EPG5: variants seen among roughly 807,000 people sequenced by gnomAD.
EPG5 encodes the protein ectopic P granules protein 5 homolog.
Under a neutral mutation model 302.7 loss-of-function variants are expected in EPG5, and 159 were observed. The ratio of observed to expected loss-of-function variants is 0.53; its 90% CI spans 0.46 to 0.60. EPG5 has a LOEUF of 0.60. Among genes scored for constraint, EPG5 ranks in the 20% least tolerant of loss-of-function variants. The probability of loss-of-function intolerance (pLI) is 0.00; values close to 1 mark genes in which losing one functional copy is unlikely to be tolerated. For synonymous variants in EPG5, 1,158 were observed against 1,136.8 expected, an observed-to-expected ratio of 1.02 and a Z score of -0.37; for missense variants, 2,896 against 3,092.4, an observed-to-expected ratio of 0.94 and a Z score of 1.51.
rs961209449 is a variant in EPG5, at chr18:45,882,392, G to T, written c.5400C>A (p.Gly1800=). 5.6e-6 allele frequency: 9 copies of T among 1,614,050 alleles called. No homozygotes were observed. The highest frequency in any genetic ancestry group is 5.9e-6 in the Non-Finnish European group (7 of 1,180,024). Residue 1800 remains glycine (G), a synonymous_variant, in exon 31 of 44, where the codon GGC becomes GGA. Transcript: ENST00000282041. The stretch of plus-strand genomic sequence containing the variant: ...TCAAAATATCCTCATCTGGTTCAAG[G>T]CCCCAGGCAGTAAGTGCCAAGTGAA... The part of the protein sequence containing the change: ...ESIHLALTAW[G]LEPDEDILMP...
chr18:45,923,746 T>G (rs1008043624), intron 14 of EPG5, among the ~76,000 whole-genome samples: 1 of 152,180 alleles, frequency 6.6e-6, no homozygotes, highest in African/African-American at 2.4e-5. Context: ...TTTAATGAAC[T>G]GTCTAGGCGT....
chr18:45,943,364 G>A, intron 8 of EPG5, 53 bp from the exon 9 acceptor site: 1 of 1,465,764 alleles, frequency 6.8e-7, no homozygotes, highest in African/African-American at 1.4e-5. Flanking sequence ...GAAAAAACAT[G>A]AACGGATACA....
rs375139947 is a variant in EPG5, at chr18:45,927,164, C to T, written c.2554-1262G>A. Among the ~76,000 whole-genome samples the T allele has an allele frequency of 8.6e-5, 13 of 151,894 alleles. No individual in the cohort carries two copies. The East Asian group carries it at 2.1e-3, about 25-fold the overall frequency. On this transcript the variant is annotated intron_variant, in intron 13 of 43. Transcript: ENST00000282041. The stretch of plus-strand genomic sequence containing the variant: ...TCTCCTGCCTCAGCCTCCTGAGTAG[C>T]TGGGACTACAGGTGCCCGCCACCAC...
At position 45,872,437 on chromosome 18, in the gene EPG5, C is replaced by T. The variant is rs114633499; in HGVS notation, c.6050-1695G>A. ...TGGCCAACGAGGCTGTGTGCAGTGGCTCACGCTTGCAATCCCGGCACTTTG... is the reference window on the plus strand; with the variant it reads ...TGGCCAACGAGGCTGTGTGCAGTGGTTCACGCTTGCAATCCCGGCACTTTG... On this transcript the variant is annotated intron_variant, in intron 35 of 43. Coordinates refer to ENST00000282041, the MANE Select transcript of EPG5 (RefSeq NM_020964.3). 5.8e-3 allele frequency among the ~76,000 whole-genome samples: 891 copies of T among 152,334 alleles called. 7 individuals carry two copies. The highest frequency in any genetic ancestry group is 0.02 in the African/African-American group (846 of 41,574).
chr18:45,940,126 T>C (rs1039658608), intron 9 of EPG5, among the ~76,000 whole-genome samples: 1 of 152,172 alleles, frequency 6.6e-6, no homozygotes, highest in Non-Finnish European at 1.5e-5. Flanking sequence ...CATTTGATAA[T>C]GTCTGGAAAA....
At chr18:45,823,276 C>T in the EPG5 span, among the ~76,000 whole-genome samples, 1 of 152,088 alleles carries the variant, frequency 6.6e-6, no homozygotes, top group Non-Finnish European at 1.5e-5. Context: ...TTTAAGGAAA[C>T]TCTGGAGACA....
intron 22 of EPG5, among the ~76,000 whole-genome samples, chr18:45,911,096 CACACACACACACACAT>C (rs1214729461): frequency 6.9e-6 from 1 of 145,272 alleles, no homozygotes; most frequent in Non-Finnish European, 1.5e-5. Context: ...CACACACACA[CACACACACACACACAT>C]ATATATATAT....
At chr18:45,854,800 G>A (rs1342565999) in intron 43 of EPG5, among the ~76,000 whole-genome samples, 1 of 152,208 alleles carries the variant, frequency 6.6e-6, no homozygotes, top group African/African-American at 2.4e-5. Context: ...GTTCAAGGCT[G>A]CAGTGAGATA....
the EPG5 span, chr18:45,825,628 C>G: frequency 3.0e-6 from 4 of 1,317,708 alleles, no homozygotes; most frequent in Non-Finnish European, 4.3e-6. Context: ...AGTGCCCTGC[C>G]CACCCCCGCC....
chr18:45,877,678 T>G (rs985794868), intron 34 of EPG5, among the ~76,000 whole-genome samples: 3 of 152,256 alleles, frequency 2.0e-5, no homozygotes, highest in Non-Finnish European at 4.4e-5. Flanking sequence ...GAAACAGAAG[T>G]CTAAGACCTG....
chr18:45,876,215 G>T, intron 35 of EPG5, 21 bp downstream of exon 35: 1 of 1,542,812 alleles, frequency 6.5e-7, no homozygotes, highest in Non-Finnish European at 9.0e-7. Context: ...ACTAAGCAGA[G>T]ACAGCCTGAC....
Position 45,851,339 on chromosome 18 carries a change from G to A in EPG5, c.*1128C>T, listed in dbSNP as rs1378736613. On this transcript the variant is annotated 3_prime_UTR_variant, in exon 44 of 44. Coordinates refer to ENST00000282041, the MANE Select transcript of EPG5 (RefSeq NM_020964.3). ...CTCATTCCCAGGAGAAATAACATGA[G>A]CAAGAAGATGGCCACAGAACAAGGC... The A allele has an allele frequency of 1.3e-5, 2 of 152,166 alleles. No individual in the cohort carries two copies. Among genetic ancestry groups the A allele is most frequent in the African/African-American group, 2.4e-5 (1 of 41,442 alleles). The allele number at this position is 152,166 out of a possible 1,614,324, so 9.4% of individuals were successfully genotyped here.
Position 45,948,507 on chromosome 18 carries a change from C to G in EPG5, c.1567G>C (p.Val523Leu). Residue 523 changes from valine to leucine, a missense_variant, in exon 6 of 44, where the codon GTC becomes CTC. By Grantham distance (32) the Val-to-Leu change is conservative (BLOSUM62 1). Coordinates refer to ENST00000282041, the MANE Select transcript of EPG5 (RefSeq NM_020964.3). ...ACAAAGCTCTTGCACACTTACTTGA[C>G]AGGAGACATCAGCAGGGCAAGGGAT... ...MQSLALLMSP[V>L]KNRAEFMCHM... is the part of the protein sequence containing the mutation. 1 of 1,612,542 alleles carries G rather than the reference C, an allele frequency of 6.2e-7. No homozygotes were observed. Among genetic ancestry groups the G allele is most frequent in the Non-Finnish European group, 8.5e-7 (1 of 1,178,616 alleles).
the EPG5 span, among the ~76,000 whole-genome samples, chr18:45,813,013 C>G: frequency 6.6e-6 from 1 of 152,148 alleles, no homozygotes; most frequent in African/African-American, 2.4e-5. Context: ...TTTTTGCAAT[C>G]TACTCATCTG....
the EPG5 span, among the ~76,000 whole-genome samples, chr18:45,809,966 T>A: frequency 1.1e-4 from 17 of 152,172 alleles, no homozygotes; most frequent in African/African-American, 4.1e-4. Context: ...ATTAATAGAC[T>A]ACTAGCAAAG....
chr18:45,857,273 C>T (rs1255591904), intron 42 of EPG5, among the ~76,000 whole-genome samples: 1 of 152,070 alleles, frequency 6.6e-6, no homozygotes, highest in Non-Finnish European at 1.5e-5. Flanking sequence ...CCATGCCCGG[C>T]TAATTTCTGT....
chr18:45,858,586 C>A lies in EPG5; in HGVS notation c.7206G>T (p.Trp2402Cys). The change falls in exon 41 of 44, where the codon TGG (tryptophan) becomes TGT (cysteine). Residue 2402 changes from tryptophan (W) to cysteine (C), a missense_variant. Coordinates refer to ENST00000282041, the MANE Select transcript of EPG5 (RefSeq NM_020964.3). ...CGTACCTTGGGTACACCTGTTCCAG[C>A]CACTTGCTTAAGATGAGCAGCACTT... Reference protein sequence around the residue: ...EMKVLLILSKWLEQVYPSSVE... With the variant: ...EMKVLLILSKCLEQVYPSSVE... 1 of 1,614,140 alleles carries A rather than the reference C, an allele frequency of 6.2e-7. No individual in the cohort carries two copies. The highest frequency in any genetic ancestry group is 8.5e-7 in the Non-Finnish European group (1 of 1,179,984).
At position 45,915,640 on chromosome 18, in the gene EPG5, A is replaced by T; in HGVS notation, c.3583-19T>A. The T allele has an allele frequency of 6.3e-7, 1 of 1,588,586 alleles. No individual in the cohort carries two copies. Among genetic ancestry groups the T allele is most frequent in the South Asian group, 1.1e-5 (1 of 90,428 alleles). On this transcript the variant is annotated intron_variant, in intron 19 of 43. Coordinates refer to ENST00000282041, the MANE Select transcript of EPG5 (RefSeq NM_020964.3). ...AGGCATTCTACACCGGGAGATGTGGAGCAGAGAGAGGAGGTTTTAAGGAAA... is the reference window on the plus strand; with the variant it reads ...AGGCATTCTACACCGGGAGATGTGGTGCAGAGAGAGGAGGTTTTAAGGAAA...
At chr18:45,953,223 G>T (rs964360779) in intron 2 of EPG5, 35 of 889,508 alleles carry the variant, frequency 3.9e-5, no homozygotes, top group Non-Finnish European at 4.7e-5. Flanking sequence ...AATAGAACTT[G>T]TCCCTAAGAC....
Sources: gnomAD v4.1 joint callset for allele counts (sites outside exome capture counted in the v4.1 genomes callset) on GRCh38, gnomAD v4.1.1 for gene constraint, MANE v1.5 for transcripts, NCBI Gene and HGNC (gene_info 2026-07-23, HGNC 2026-07-21) for gene names.